The following LPIN2 variants were observed in gnomAD, a reference collection of about 807,000 sequenced individuals.
LPIN2 encodes the protein lipin 2, also known as phosphatidate phosphatase LPIN2.
In LPIN2, 55 loss-of-function variants were observed where a neutral mutation model predicts 111.4. That is an observed-to-expected ratio of 0.49 (90% CI 0.40 to 0.62). The LOEUF is 0.62. LPIN2 is among the 20% of genes least tolerant of loss of function. LPIN2 has a pLI of 0.00. For synonymous variants in LPIN2, 425 were observed against 414.0 expected (o/e 1.03, Z -0.32); for missense variants, 992 against 1,112.1 (o/e 0.89, Z 1.54).
intron 1 of LPIN2, chr18:2,990,776 G>A (rs1165599103): frequency 8.0e-6 from 3 of 376,000 alleles, no homozygotes; most frequent in Non-Finnish European, 1.1e-5. Flanking sequence ...CAGGCTCAGA[G>A]CCTGACTGAC....
At chr18:2,921,447 T>C in intron 18 of LPIN2, 86 bp downstream of exon 18, 1 of 1,010,152 alleles carries the variant, frequency 9.9e-7, no homozygotes, top group Non-Finnish European at 1.6e-6. Flanking sequence ...AAAACTGCTT[T>C]GAGAATTGGG....
At chr18:2,960,200 G>GTGTA (rs1377489775) in intron 2 of LPIN2, among the ~76,000 whole-genome samples, 1 of 151,582 alleles carries the variant, frequency 6.6e-6, no homozygotes, top group African/African-American at 2.4e-5. Context: ...GTGTGTGTGT[G>GTGTA]TGTGTGTGTG....
rs1197808636 is a variant in LPIN2 at position 2,935,078 on chromosome 18, T to C, written c.1169-628A>G. 2.0e-5 allele frequency among the ~76,000 whole-genome samples: 3 copies of C among 152,328 alleles called. No homozygotes were observed. The East Asian group carries it at 5.8e-4, about 29-fold the overall frequency. On this transcript the variant is annotated intron_variant, in intron 7 of 19. Transcript: ENST00000677752. ...GCCTCTAGACCTGTACTGCCCACTC[T>C]AGTGACCACCAGCCACATGTGGCTA... is the stretch of plus-strand genomic sequence containing the variant.
chr18:2,955,550 C>T (rs1244956489), intron 2 of LPIN2, among the ~76,000 whole-genome samples: 1 of 152,210 alleles, frequency 6.6e-6, no homozygotes, highest in Non-Finnish European at 1.5e-5. Context: ...CTGGAGTTCA[C>T]ATTTCAACAT....
chr18:2,958,158 C>CAAAA (rs1555678271), intron 2 of LPIN2, among the ~76,000 whole-genome samples: 22 of 35,364 alleles, frequency 6.2e-4, no homozygotes, highest in Admixed American at 8.8e-4. Context: ...AAAAAAAAAA[C>CAAAA]AACAAAAAAA....
chr18:2,960,710 T>C lies in LPIN2; in HGVS notation c.131A>G (p.Gln44Arg), dbSNP rs747502342. 3.7e-6 allele frequency: 6 copies of C among 1,614,072 alleles called. No homozygotes were observed. The highest frequency in any genetic ancestry group is 5.1e-6 in the Non-Finnish European group (6 of 1,180,002). Residue 44 changes from glutamine to arginine, a missense_variant, in exon 2 of 20, where the codon CAG becomes CGG. By Grantham distance (43) the Gln-to-Arg change is conservative (BLOSUM62 1). Coordinates refer to ENST00000677752, the MANE Select transcript of LPIN2 (RefSeq NM_001375808.2). ...AAACCGAACGTGAAAAGGTGAACAC[T>C]GATAGCTGCCATCCTGCTGCTGTAC... ...IVVQQQDGSY[Q>R]CSPFHVRFGK...
intron 8 of LPIN2, among the ~76,000 whole-genome samples, chr18:2,932,875 A>C (rs1362439195): frequency 1.3e-5 from 2 of 152,194 alleles, no homozygotes; most frequent in African/African-American, 2.4e-5. Context: ...GCCTCCCCCT[A>C]AACACCAACA....
At chr18:2,952,371 C>T (rs1386017075) in intron 3 of LPIN2, among the ~76,000 whole-genome samples, 1 of 152,090 alleles carries the variant, frequency 6.6e-6, no homozygotes, top group Non-Finnish European at 1.5e-5. Flanking sequence ...TTGTAGTGAG[C>T]CGAGATCATG....
At chr18:2,931,159 A>C (rs1441966381) in intron 9 of LPIN2, 97 bp downstream of exon 9, 3 of 1,363,134 alleles carry the variant, frequency 2.2e-6, no homozygotes, top group Non-Finnish European at 3.1e-6. Context: ...ATCCCTAAAG[A>C]ATGTAAATAT....
intron 1 of LPIN2, among the ~76,000 whole-genome samples, chr18:2,964,218 G>A (rs537603712): frequency 6.8e-6 from 1 of 147,232 alleles, no homozygotes; most frequent in South Asian, 2.1e-4. Context: ...GGGAAGCGGA[G>A]GGTGCAGTGA....
In LPIN2 at chr18:2,971,892, C is replaced by G. The variant is rs893915312; in HGVS notation, c.-9-11043G>C. 2.0e-5 allele frequency among the ~76,000 whole-genome samples: 3 copies of G among 151,778 alleles called. No individual in the cohort carries two copies. The South Asian group carries it at 6.3e-4, about 32-fold the overall frequency. On this transcript the variant is annotated intron_variant, in intron 1 of 19. Transcript: ENST00000677752. ...ATGGTGAAACTCTCTACTAAAAACACAAAAATTAGCCAGGCATGGTGGTGG... is the reference window on the plus strand; with the variant it reads ...ATGGTGAAACTCTCTACTAAAAACAGAAAAATTAGCCAGGCATGGTGGTGG...
At chr18:2,946,232 A>T (rs751241329) in intron 4 of LPIN2, 8 of 1,572,014 alleles carry the variant, frequency 5.1e-6, no homozygotes, top group Non-Finnish European at 7.0e-6. Flanking sequence ...TATCGCGTCT[A>T]CTGTCTTAGG....
chr18:2,980,806 C>CT (rs1430864528), intron 1 of LPIN2, among the ~76,000 whole-genome samples: 3 of 152,106 alleles, frequency 2.0e-5, no homozygotes, highest in African/African-American at 4.8e-5. Flanking sequence ...AGAGTCCCCC[C>CT]CCAGCTCTAA....
chr18:2,930,914 C>A (rs2077203240), intron 9 of LPIN2, among the ~76,000 whole-genome samples: 2 of 152,212 alleles, frequency 1.3e-5, no homozygotes, highest in African/African-American at 4.8e-5. Context: ...CAGCTGGGCC[C>A]CAGTTCCACA....
At chr18:3,009,181 C>T (rs2078563352) in intron 1 of LPIN2, among the ~76,000 whole-genome samples, 1 of 150,896 alleles carries the variant, frequency 6.6e-6, no homozygotes, top group African/African-American at 2.4e-5. Flanking sequence ...AGGAGGATCA[C>T]GAGGTCAGGA....
chr18:2,976,849 C>T (rs1391147457), intron 1 of LPIN2, among the ~76,000 whole-genome samples: 1 of 152,108 alleles, frequency 6.6e-6, no homozygotes, highest in African/African-American at 2.4e-5. Context: ...TTAACTAAGC[C>T]GTAAGAGCCT....
At chr18:2,951,618 G>A (rs1186402104) in intron 3 of LPIN2, among the ~76,000 whole-genome samples, 1 of 152,136 alleles carries the variant, frequency 6.6e-6, no homozygotes, top group Non-Finnish European at 1.5e-5. Flanking sequence ...AAGTCAGCAT[G>A]GAACACCCCA....
chr18:2,965,909 A>G (rs2077794774), intron 1 of LPIN2, among the ~76,000 whole-genome samples: 1 of 152,192 alleles, frequency 6.6e-6, no homozygotes, highest in Admixed American at 6.5e-5. Context: ...TTCATAAATT[A>G]TCAGCACAAA....
chr18:2,988,996 A>G (rs1032297732), intron 1 of LPIN2, among the ~76,000 whole-genome samples: 1 of 152,238 alleles, frequency 6.6e-6, no homozygotes, highest in Admixed American at 6.5e-5. Flanking sequence ...TTGAAATCAT[A>G]GAAGAAAACA....
Sources: gnomAD v4.1 joint callset for allele counts (sites outside exome capture counted in the v4.1 genomes callset) on GRCh38, gnomAD v4.1.1 for gene constraint, MANE v1.5 for transcripts, NCBI Gene and HGNC (gene_info 2026-07-23, HGNC 2026-07-21) for gene names.